OXSR1: variants seen among roughly 807,000 people sequenced by gnomAD.
OXSR1 encodes the protein oxidative stress responsive kinase 1, also known as serine/threonine-protein kinase OSR1.
Under a neutral mutation model 79.8 loss-of-function variants are expected in OXSR1, and 24 were observed. That is an observed-to-expected ratio of 0.30 (90% CI 0.22 to 0.42). The LOEUF (loss-of-function observed/expected upper bound fraction) is 0.42, where lower values mean the gene tolerates loss of function less well. Ranked by LOEUF, OXSR1 falls within the 10% of genes least tolerant of loss-of-function variation. The pLI is 1.00. For missense variants in OXSR1, 430 were observed against 618.4 expected, an observed-to-expected ratio of 0.70 and a Z score of 3.23; for synonymous variants, 226 against 209.2, an observed-to-expected ratio of 1.08 and a Z score of -0.69.
chr3:38,178,139 C>G (rs1447380382), intron 1 of OXSR1, among the ~76,000 whole-genome samples: 1 of 152,060 alleles, frequency 6.6e-6, no homozygotes, highest in Non-Finnish European at 1.5e-5. Flanking sequence ...TTAATAGAGA[C>G]AGGGATTCGC....
At chr3:38,238,449 A>G (rs1445944945) in intron 11 of OXSR1, among the ~76,000 whole-genome samples, 1 of 152,098 alleles carries the variant, frequency 6.6e-6, no homozygotes, top group Non-Finnish European at 1.5e-5. Context: ...ATGTAGATCC[A>G]GATTTCCATC....
intron 1 of OXSR1, among the ~76,000 whole-genome samples, chr3:38,166,157 T>G (rs1575297105): frequency 6.4e-5 from 9 of 140,118 alleles, no homozygotes; most frequent in South Asian, 2.4e-4. Flanking sequence ...TGGCGTGGGG[T>G]GGGGTGAGGC....
chr3:38,226,231 A>C (rs1702686193), intron 8 of OXSR1, among the ~76,000 whole-genome samples: 1 of 152,100 alleles, frequency 6.6e-6, no homozygotes, highest in African/African-American at 2.4e-5. Context: ...ACACACAGTG[A>C]AACAATGCAT....
At chr3:38,174,312 G>A (rs184304171) in intron 1 of OXSR1, among the ~76,000 whole-genome samples, 1 of 152,116 alleles carries the variant, frequency 6.6e-6, no homozygotes, top group East Asian at 1.9e-4. Context: ...GGCTGGGCGA[G>A]GTGCCTCACC....
At chr3:38,221,736 A>G in intron 6 of OXSR1, 49 bp downstream of exon 6, 1 of 1,075,090 alleles carries the variant, frequency 9.3e-7, no homozygotes, top group South Asian at 1.4e-5. Context: ...TTTGTTTTGA[A>G]ACTGAAAAAA....
intron 11 of OXSR1, among the ~76,000 whole-genome samples, chr3:38,239,919 T>C (rs1460869878): frequency 6.6e-6 from 1 of 152,218 alleles, no homozygotes; most frequent in Non-Finnish European, 1.5e-5. Context: ...TTTTTTTCCC[T>C]GTCTTCCAGG....
chr3:38,247,643 C>T, intron 13 of OXSR1, 25 bp from the exon 14 acceptor site: 1 of 1,571,954 alleles, frequency 6.4e-7, no homozygotes, highest in Non-Finnish European at 8.8e-7. Flanking sequence ...CAGGCAATGA[C>T]TGTATACCTT....
At position 38,254,315 on chromosome 3, in the gene OXSR1, A is replaced by G. The variant is rs916833100; in HGVS notation, c.*1424A>G. On this transcript the variant is annotated 3_prime_UTR_variant, in exon 18 of 18. Transcript: ENST00000311806. ...TGGAACATATCTGAAAACCTTCCCC[A>G]CAAATAACTTGTCACACCTTTTGTT... The G allele has an allele frequency of 1.3e-5, 5 of 398,194 alleles. No homozygotes were observed. Among genetic ancestry groups the G allele is most frequent in the Admixed American group, 8.8e-5 (2 of 22,700 alleles). The allele number at this position is 398,194 out of a possible 1,614,324, so 24.7% of individuals were successfully genotyped here.
At chr3:38,202,668 A>G in intron 4 of OXSR1, among the ~76,000 whole-genome samples, 1 of 152,388 alleles carries the variant, frequency 6.6e-6, no homozygotes, top group Non-Finnish European at 1.5e-5. Flanking sequence ...ATCATGGACA[A>G]TTATCAATCA....
Position 38,178,004 on chromosome 3 carries a change from A to G in OXSR1, c.71-4999A>G, listed in dbSNP as rs1040335755. Among the ~76,000 whole-genome samples the G allele has an allele frequency of 4.6e-5, 7 of 152,334 alleles. No individual in the cohort carries two copies. In the South Asian group the frequency reaches 1.0e-3, roughly 23 times the overall value. On this transcript the variant is annotated intron_variant, in intron 1 of 17. Transcript: ENST00000311806. ...TGTTCTGTTGCCCAGGCTGGAGGGCAGTGGTGCAATCTCAGCTCACTGCAA... is the reference window on the plus strand; with the variant it reads ...TGTTCTGTTGCCCAGGCTGGAGGGCGGTGGTGCAATCTCAGCTCACTGCAA...
At chr3:38,216,342 T>G (rs1702482633) in intron 5 of OXSR1, among the ~76,000 whole-genome samples, 191 bp downstream of exon 5, 1 of 152,170 alleles carries the variant, frequency 6.6e-6, no homozygotes. Flanking sequence ...ATTTCTGCTC[T>G]TAGACATTTT....
intron 4 of OXSR1, among the ~76,000 whole-genome samples, chr3:38,205,562 C>T (rs1702250413): frequency 6.6e-6 from 1 of 152,224 alleles, no homozygotes; most frequent in Non-Finnish European, 1.5e-5. Flanking sequence ...ATGTTCGTCT[C>T]TATCTAGACT....
chr3:38,220,670 C>T (rs573177089), intron 5 of OXSR1, among the ~76,000 whole-genome samples: 1 of 152,264 alleles, frequency 6.6e-6, no homozygotes, highest in Non-Finnish European at 1.5e-5. Flanking sequence ...TGCTGGTGAC[C>T]TTCAGGATGC....
chr3:38,249,907 A>G (rs1293800438), intron 14 of OXSR1, 59 bp from the exon 15 acceptor site: 1 of 1,006,696 alleles, frequency 9.9e-7, no homozygotes, highest in African/African-American at 1.6e-5. Context: ...ATATGTTGGC[A>G]GAATCTCTTT....
At chr3:38,172,292 T>C (rs1701596980) in intron 1 of OXSR1, among the ~76,000 whole-genome samples, 1 of 152,156 alleles carries the variant, frequency 6.6e-6, no homozygotes, top group Admixed American at 6.6e-5. Context: ...CAGGTTTAGA[T>C]GGATTTAGGG....
Position 38,234,806 on chromosome 3 carries a change from C to T in OXSR1, c.952-2033C>T, listed in dbSNP as rs117742686. Among the ~76,000 whole-genome samples the T allele has an allele frequency of 4.2e-3, 633 of 152,304 alleles. 18 individuals carry two copies. The East Asian group carries it at 0.075, about 18-fold the overall frequency. On this transcript the variant is annotated intron_variant, in intron 10 of 17. Coordinates refer to ENST00000311806, the MANE Select transcript of OXSR1 (RefSeq NM_005109.3). Reference sequence around the variant, plus strand: ...GTACGCTGCTCATAGCAGCATTATTCGTAATAACCAAAAAGTGTAAACAAC... The same window carrying T: ...GTACGCTGCTCATAGCAGCATTATTTGTAATAACCAAAAAGTGTAAACAAC...
intron 3 of OXSR1, among the ~76,000 whole-genome samples, chr3:38,191,550 C>G (rs1026091289): frequency 1.1e-4 from 17 of 151,952 alleles, no homozygotes; most frequent in African/African-American, 4.1e-4. Flanking sequence ...AAAATTAGAT[C>G]TAAAGGCTTG....
rs1443200088 is a variant in OXSR1, at chr3:38,229,748, A to G, written c.885+13A>G. 2 of 1,602,022 alleles carry G rather than the reference A, an allele frequency of 1.2e-6. No homozygotes were observed. Among genetic ancestry groups the G allele is most frequent in the South Asian group, 1.1e-5 (1 of 90,634 alleles). ...CCAGAAAGCAAAGGTAGGAAATTCC[A>G]GCTTTTGATTATGTGTGTTCATAGG... On this transcript the variant is annotated intron_variant, in intron 9 of 17. Coordinates refer to ENST00000311806, the MANE Select transcript of OXSR1 (RefSeq NM_005109.3).
intron 4 of OXSR1, among the ~76,000 whole-genome samples, chr3:38,213,067 T>C (rs923096899): frequency 1.3e-5 from 2 of 152,192 alleles, no homozygotes; most frequent in African/African-American, 4.8e-5. Flanking sequence ...TCACTCAAAG[T>C]GCAGGCTCTG....
Sources: allele counts gnomAD v4.1 joint callset (sites outside exome capture counted in the v4.1 genomes callset), GRCh38; gene constraint gnomAD v4.1.1; transcripts MANE v1.5; gene names NCBI Gene and HGNC (gene_info 2026-07-23, HGNC 2026-07-21).